The following STAG1 variants were observed in gnomAD, a reference collection of about 807,000 sequenced individuals.
STAG1 encodes the protein cohesin subunit SA-1.
STAG1 carries 26 observed loss-of-function variants against 170.9 expected under a neutral mutation model. The ratio of observed to expected loss-of-function variants is 0.15; its 90% CI spans 0.11 to 0.21. The LOEUF is 0.21. Among genes scored for constraint, STAG1 ranks in the 10% least tolerant of loss-of-function variants. The pLI, the probability that STAG1 is intolerant of heterozygous loss-of-function variation, is 1.00. For missense variants in STAG1, 964 were observed against 1,509.5 expected (o/e 0.64, Z 5.99); for synonymous variants, 514 against 497.7 (o/e 1.03, Z -0.44).
intron 1 of STAG1, among the ~76,000 whole-genome samples, chr3:136,643,414 G>A (rs1239723530): frequency 2.6e-5 from 4 of 152,158 alleles, no homozygotes; most frequent in African/African-American, 9.7e-5. Context: ...ACTTCAAAAG[G>A]ATGGTCTTAT....
chr3:136,522,463 T>G (rs1217572727), intron 6 of STAG1, among the ~76,000 whole-genome samples: 1 of 152,212 alleles, frequency 6.6e-6, no homozygotes, highest in Non-Finnish European at 1.5e-5. Flanking sequence ...AGATGCTTCC[T>G]AAAGGTATCT....
intron 1 of STAG1, among the ~76,000 whole-genome samples, chr3:136,732,763 CCAT>C (rs1298615782): frequency 1.3e-5 from 2 of 152,064 alleles, no homozygotes; most frequent in African/African-American, 4.8e-5. Context: ...GTGCCCACCA[CCAT>C]GCCAGGCTAA....
At chr3:136,338,551 A>G (rs917649535) in intron 32 of STAG1, 101 bp from the exon 33 acceptor site, 16 of 804,406 alleles carry the variant, frequency 2.0e-5, no homozygotes, top group Non-Finnish European at 3.1e-5. Flanking sequence ...AATATATGGA[A>G]CTGCTAAGAG....
intron 10 of STAG1, among the ~76,000 whole-genome samples, chr3:136,474,204 A>G (rs1052093195): frequency 1.3e-5 from 2 of 152,168 alleles, no homozygotes; most frequent in East Asian, 1.9e-4. Flanking sequence ...GGCGTACAGG[A>G]TGTTGATGAT....
chr3:136,435,906 G>C (rs1397562128), intron 15 of STAG1, among the ~76,000 whole-genome samples: 1 of 152,092 alleles, frequency 6.6e-6, no homozygotes, highest in Non-Finnish European at 1.5e-5. Flanking sequence ...CTGACCTCGT[G>C]ATCCACCCGT....
rs1400663708 is a variant in STAG1 at position 136,421,088 on chromosome 3, C to T, written c.2108+5G>A. On this transcript the variant is annotated splice_donor_5th_base_variant and intron_variant, in intron 20 of 33. Coordinates refer to ENST00000383202, the MANE Select transcript of STAG1 (RefSeq NM_005862.3). ...GTTGCCTTTACTTTAAATAAAATAA[C>T]GTACTTGTGAAAAGAAGTTAACCGC... The T allele has an allele frequency of 1.3e-6, 2 of 1,582,384 alleles. No homozygotes were observed. The highest frequency in any genetic ancestry group is 1.7e-5 in the Admixed American group (1 of 57,440).
intron 7 of STAG1, among the ~76,000 whole-genome samples, chr3:136,516,242 G>A (rs1427015854): frequency 6.6e-6 from 1 of 151,956 alleles, no homozygotes; most frequent in African/African-American, 2.4e-5. Context: ...ATGCAGGCTG[G>A]GTGTGGTTGT....
intron 22 of STAG1, 57 bp from the exon 23 acceptor site, chr3:136,377,809 T>A: frequency 7.0e-7 from 1 of 1,423,434 alleles, no homozygotes; most frequent in Non-Finnish European, 9.9e-7. Flanking sequence ...AAAACTGATC[T>A]AGAAGAAACA....
intron 5 of STAG1, among the ~76,000 whole-genome samples, chr3:136,547,525 G>A (rs893187109): frequency 6.6e-6 from 1 of 151,994 alleles, no homozygotes; most frequent in African/African-American, 2.4e-5. Flanking sequence ...TCACCCTTCT[G>A]CTCTCTCCTT....
chr3:136,668,381 TAA>T (rs934083653), intron 1 of STAG1, among the ~76,000 whole-genome samples: 20 of 146,120 alleles, frequency 1.4e-4, no homozygotes, highest in Non-Finnish European at 1.8e-4. Flanking sequence ...ATATTATACA[TAA>T]TATATAAAAT....
chr3:136,368,543 T>C (rs1014928197), intron 24 of STAG1, among the ~76,000 whole-genome samples: 1 of 151,244 alleles, frequency 6.6e-6, no homozygotes, highest in Non-Finnish European at 1.5e-5. Context: ...AGAAACAACA[T>C]CTATCCTACA....
chr3:136,363,460 T>C lies in STAG1; in HGVS notation c.2693A>G (p.Asn898Ser), dbSNP rs774886084. 28 of 1,475,382 alleles carry C rather than the reference T, an allele frequency of 1.9e-5. No homozygotes were observed. Among genetic ancestry groups the C allele is most frequent in the Admixed American group, 5.6e-5 (3 of 53,764 alleles). 91.4% of individuals were successfully genotyped at this position (1,475,382 alleles called of 1,614,324 possible). A position where few individuals can be genotyped will look rare whatever the true frequency, so the allele number is the denominator to read the frequency against. Residue 898 changes from asparagine (N) to serine (S), a missense_variant, in exon 26 of 34, where the codon AAT (asparagine) becomes AGT (serine). Asn to Ser is a conservative substitution (Grantham distance 46, BLOSUM62 1). Coordinates refer to ENST00000383202, the MANE Select transcript of STAG1 (RefSeq NM_005862.3). The part of the protein sequence containing the change: ...DIFKHYMKYY[N>S]DYGDIIKETL... ...TTCCTTAATAATATCACCATAGTCATTGTAATACTGTGAGGGAAAGAAAGA... is the reference window on the plus strand; with the variant it reads ...TTCCTTAATAATATCACCATAGTCACTGTAATACTGTGAGGGAAAGAAAGA...
intron 12 of STAG1, among the ~76,000 whole-genome samples, chr3:136,467,663 C>T (rs1329132721): frequency 4.6e-5 from 7 of 152,162 alleles, no homozygotes; most frequent in Non-Finnish European, 8.8e-5. Flanking sequence ...GCGGAATGAA[C>T]AGACATCTAC....
At chr3:136,505,547 C>T (rs984370095) in intron 7 of STAG1, among the ~76,000 whole-genome samples, 3 of 152,078 alleles carry the variant, frequency 2.0e-5, no homozygotes, top group Non-Finnish European at 1.5e-5. Flanking sequence ...GTGACAGATT[C>T]GTAATTAAAA....
intron 1 of STAG1, among the ~76,000 whole-genome samples, chr3:136,646,353 T>C (rs1273674030): frequency 6.6e-6 from 1 of 152,166 alleles, no homozygotes; most frequent in Non-Finnish European, 1.5e-5. Flanking sequence ...TCTGATTCTC[T>C]TCAACAACTA....
At chr3:136,466,892 G>C (rs368083489) in intron 12 of STAG1, among the ~76,000 whole-genome samples, 303 of 152,262 alleles carry the variant, frequency 2.0e-3, no homozygotes, top group East Asian at 5.2e-3. Flanking sequence ...AATTTCATAT[G>C]CAGCCAAACT....
At chr3:136,444,623 G>A (rs1264647573) in intron 14 of STAG1, among the ~76,000 whole-genome samples, 1 of 152,200 alleles carries the variant, frequency 6.6e-6, no homozygotes, top group Non-Finnish European at 1.5e-5. Context: ...ATGATGCACA[G>A]TAGAAAGAGT....
At chr3:136,646,632 T>A (rs1416991107) in intron 1 of STAG1, among the ~76,000 whole-genome samples, 1 of 152,072 alleles carries the variant, frequency 6.6e-6, no homozygotes, top group Non-Finnish European at 1.5e-5. Context: ...TTAAAAATAA[T>A]ATAGTTTCAT....
At chr3:136,682,440 A>T (rs916979460) in intron 1 of STAG1, among the ~76,000 whole-genome samples, 2 of 145,074 alleles carry the variant, frequency 1.4e-5, no homozygotes, top group African/African-American at 4.9e-5. Flanking sequence ...ATTAAAAAAA[A>T]AATAAAATAT....
Sources: allele counts gnomAD v4.1 joint callset (sites outside exome capture counted in the v4.1 genomes callset), GRCh38; gene constraint gnomAD v4.1.1; transcripts MANE v1.5; gene names NCBI Gene and HGNC (gene_info 2026-07-23, HGNC 2026-07-21).